Variants in TMEM266 observed in about 807,000 individuals in gnomAD.
The protein encoded by TMEM266 is transmembrane protein 266.
A neutral mutation model predicts 50.5 loss-of-function variants in TMEM266; 33 were observed. The ratio of observed to expected loss-of-function variants is 0.65; its 90% CI spans 0.50 to 0.87. The LOEUF (loss-of-function observed/expected upper bound fraction) is 0.87, where lower values mean the gene tolerates loss of function less well. Ranked by LOEUF, TMEM266 falls within the 40% of genes least tolerant of loss-of-function variation. TMEM266 has a pLI of 0.00. For missense variants in TMEM266, 655 were observed against 695.1 expected (o/e 0.94, Z 0.65); for synonymous variants, 310 against 292.3 (o/e 1.06, Z -0.62).
At position 76,204,189 on chromosome 15, in the gene TMEM266, G is replaced by T. The variant is rs772908199; in HGVS notation, c.1470G>T (p.Gln490His). The T allele has an allele frequency of 6.2e-6, 10 of 1,613,908 alleles. No homozygotes were observed. In the East Asian group the frequency reaches 2.2e-4, roughly 36 times the overall value. The change falls in exon 11 of 11, where the codon CAG becomes CAT. Residue 490 changes from glutamine (Q) to histidine (H), a missense_variant. Around this residue, in one of 3 missense-constraint regions of TMEM266, gnomAD observed 455 missense variants for 401.8 expected, o/e 1.13. Transcript: ENST00000388942. ...TAAGTCTGTTCAACCAGAAGAACCA[G>T]GAGGGCTTCACTGTCTTTCAGATCA...
At chr15:76,162,916 G>A (rs771909703) in intron 5 of TMEM266, among the ~76,000 whole-genome samples, 2 of 152,176 alleles carry the variant, frequency 1.3e-5, no homozygotes, top group Non-Finnish European at 2.9e-5. Context: ...GCGGCACTCC[G>A]AGCCTCCTTG....
intron 9 of TMEM266, among the ~76,000 whole-genome samples, chr15:76,200,955 C>T (rs904961728): frequency 2.6e-5 from 4 of 152,198 alleles, no homozygotes; most frequent in Non-Finnish European, 5.9e-5. Context: ...AGGGTCAGGG[C>T]AGACTGGCTT....
At chr15:76,065,936 C>G (rs1323881436) in intron 1 of TMEM266, among the ~76,000 whole-genome samples, 1 of 152,108 alleles carries the variant, frequency 6.6e-6, no homozygotes, top group East Asian at 1.9e-4. Context: ...CCCCTCCTTC[C>G]CTGGCCAGAG....
At chr15:76,199,480 G>T (rs535206659) in intron 9 of TMEM266, among the ~76,000 whole-genome samples, 7 of 152,362 alleles carry the variant, frequency 4.6e-5, no homozygotes, top group Non-Finnish European at 7.3e-5. Flanking sequence ...CTCCTTGGGG[G>T]TTACAATGAG....
At chr15:76,102,332 A>G (rs2037012577) in intron 1 of TMEM266, among the ~76,000 whole-genome samples, 2 of 152,178 alleles carry the variant, frequency 1.3e-5, no homozygotes, top group South Asian at 4.1e-4. Context: ...AGAAGGTGAG[A>G]CATGTTCTGA....
intron 8 of TMEM266, among the ~76,000 whole-genome samples, chr15:76,181,701 C>T (rs1197171723): frequency 2.6e-5 from 4 of 152,146 alleles, no homozygotes; most frequent in Non-Finnish European, 5.9e-5. Flanking sequence ...TGCCTTGTCT[C>T]TCTCTCTGTC....
intron 9 of TMEM266, among the ~76,000 whole-genome samples, chr15:76,201,106 G>C (rs2038739605): frequency 6.6e-6 from 1 of 152,172 alleles, no homozygotes; most frequent in African/African-American, 2.4e-5. Context: ...ACGGGGGAGG[G>C]AGGACAGCCC....
At chr15:76,061,856 T>G (rs1193868520) in intron 1 of TMEM266, among the ~76,000 whole-genome samples, 2 of 152,214 alleles carry the variant, frequency 1.3e-5, no homozygotes, top group Non-Finnish European at 2.9e-5. Context: ...CTGGTCTCAC[T>G]GCCAGTCATC....
At chr15:76,072,527 G>A (rs571435941) in intron 1 of TMEM266, among the ~76,000 whole-genome samples, 1 of 151,850 alleles carries the variant, frequency 6.6e-6, no homozygotes, top group South Asian at 2.1e-4. Flanking sequence ...CAAACTAGGA[G>A]TGAGCCTCTG....
intron 1 of TMEM266, among the ~76,000 whole-genome samples, chr15:76,077,201 A>G (rs187347391): frequency 2.0e-5 from 3 of 152,180 alleles, no homozygotes; most frequent in East Asian, 3.9e-4. Context: ...CTGAGCTCAA[A>G]GTGATCAATC....
intron 1 of TMEM266, among the ~76,000 whole-genome samples, chr15:76,121,699 G>A (rs1350522398): frequency 2.0e-5 from 3 of 152,224 alleles, no homozygotes; most frequent in Admixed American, 6.5e-5. Context: ...TTACAGGCAT[G>A]AGCCACCACA....
intron 1 of TMEM266, among the ~76,000 whole-genome samples, chr15:76,070,466 T>G (rs1018159952): frequency 4.6e-5 from 7 of 152,180 alleles, no homozygotes; most frequent in African/African-American, 1.7e-4. Flanking sequence ...AGAAAGGAAT[T>G]GAAATGGGGG....
rs1203554332 is a variant in TMEM266, at chr15:76,193,470, C to T, written c.958+1313C>T. On this transcript the variant is annotated intron_variant, in intron 9 of 10. Coordinates refer to ENST00000388942, the MANE Select transcript of TMEM266 (RefSeq NM_152335.3). ...CTTGGCCTCAAGTGGATCCTCCTGC[C>T]TCAGCCATGGAAAGTGCTAGGTTTA... Among the ~76,000 whole-genome samples, 4 of 152,180 alleles carry T rather than the reference C, an allele frequency of 2.6e-5. 1 individual carries two copies.
At chr15:76,095,206 A>T (rs987118474) in intron 1 of TMEM266, among the ~76,000 whole-genome samples, 8 of 152,040 alleles carry the variant, frequency 5.3e-5, no homozygotes. Flanking sequence ...TTCAAAGGGA[A>T]TGCTTCCAGT....
intron 3 of TMEM266, among the ~76,000 whole-genome samples, chr15:76,138,630 A>G (rs2037629495): frequency 6.6e-6 from 1 of 152,258 alleles, no homozygotes; most frequent in African/African-American, 2.4e-5. Flanking sequence ...CCCTACATGC[A>G]GGAACATGCT....
chr15:76,089,669 C>T (rs1025764144), intron 1 of TMEM266, among the ~76,000 whole-genome samples: 2 of 152,052 alleles, frequency 1.3e-5, no homozygotes, highest in East Asian at 3.9e-4. Context: ...AAGATATGGT[C>T]GTGCGTTTTT....
chr15:76,192,083 A>G lies in TMEM266; in HGVS notation c.884A>G (p.Lys295Arg), dbSNP rs931356692. 8.8e-6 allele frequency: 13 copies of G among 1,470,978 alleles called. No homozygotes were observed. The highest frequency in any genetic ancestry group is 2.8e-5 in the East Asian group (1 of 35,564). The allele number at this position is 1,470,978 out of a possible 1,614,324, so 91.1% of individuals were successfully genotyped here. A position where few individuals can be genotyped will look rare whatever the true frequency, so the allele number is the denominator to read the frequency against. ...CTCAGCCAGCCGCGCAGCCGCTTCA[A>G]AGTGTTGGAGGCCGGCACGTGGGAC... The change falls in exon 9 of 11, where the codon AAA becomes AGA. Residue 295 changes from lysine to arginine, a missense_variant. Physicochemically the swap from Lys to Arg is conservative, Grantham distance 26. Coordinates refer to ENST00000388942, the MANE Select transcript of TMEM266 (RefSeq NM_152335.3).
intron 1 of TMEM266, among the ~76,000 whole-genome samples, chr15:76,086,815 A>T (rs1037693149): frequency 3.3e-5 from 5 of 151,996 alleles, no homozygotes; most frequent in African/African-American, 1.2e-4. Context: ...TTACAAAGTT[A>T]TACTCCTGTG....
intron 8 of TMEM266, among the ~76,000 whole-genome samples, chr15:76,183,103 C>CTTTTT (rs71140199): frequency 0.065 from 2,889 of 44,176 alleles, 717 homozygotes; most frequent in Middle Eastern, 0.14. Context: ...CATTTTGTGG[C>CTTTTT]TTTTTTTTTT....
Sources: allele counts gnomAD v4.1 joint callset (sites outside exome capture counted in the v4.1 genomes callset), GRCh38; gene constraint gnomAD v4.1.1; regional missense constraint gnomAD v4.1.1; transcripts MANE v1.5; gene names NCBI Gene and HGNC (gene_info 2026-07-23, HGNC 2026-07-21).